Variants in MAP4K2 observed in about 807,000 individuals in gnomAD.
MAP4K2 encodes mitogen-activated protein kinase kinase kinase kinase 2.
A neutral mutation model predicts 125.3 loss-of-function variants in MAP4K2; 85 were observed. That is an observed-to-expected ratio of 0.68 (90% CI 0.57 to 0.81). The LOEUF is 0.81. MAP4K2 is among the 40% of genes least tolerant of loss of function. The pLI is 0.00. For missense variants in MAP4K2, 923 were observed against 1,056.4 expected (o/e 0.87, Z 1.75); for synonymous variants, 479 against 445.1 (o/e 1.08, Z -0.96).
At position 64,797,789 on chromosome 11, in the gene MAP4K2, T is replaced by C. The variant is rs190636989; in HGVS notation, c.1098-125A>G. 971 of 919,694 alleles carry C rather than the reference T, an allele frequency of 1.1e-3. 6 individuals are homozygous for C. In the African/African-American group the frequency reaches 0.015, roughly 14 times the overall value. The allele number at this position is 919,694 out of a possible 1,614,324, so 57.0% of individuals were successfully genotyped here. A position where few individuals can be genotyped will look rare whatever the true frequency, so the allele number is the denominator to read the frequency against. ...GGCGCAATCGCGGCTCACTGCAAGC[T>C]CCGCCCCCCAAGTTCACGCCATTCT... On this transcript the variant is annotated intron_variant, in intron 15 of 31. Coordinates refer to ENST00000294066, the MANE Select transcript of MAP4K2 (RefSeq NM_004579.5).
chr11:64,792,349 C>CCCCCCCCCAAAA lies in MAP4K2; in HGVS notation c.1810+14_1810+15insTTTTGGGGGGGG. On this transcript the variant is annotated intron_variant, in intron 25 of 31. Transcript: ENST00000294066. ...CCACCAGGCCCCGCCCCACCCCGCC[C>CCCCCCCCCAAAA]AGCCCATTTCTTACCCACACGACAC... The CCCCCCCCCAAAA allele has an allele frequency of 6.5e-7, 1 of 1,545,320 alleles. No individual in the cohort carries two copies. The highest frequency in any genetic ancestry group is 8.8e-7 in the Non-Finnish European group (1 of 1,138,636).
At position 64,790,174 on chromosome 11, in the gene MAP4K2, T is replaced by G; in HGVS notation, c.2248+14A>C. Reference sequence around the variant, plus strand: ...GCCAGGGAAAGGCCTGCACCCCACCTCTGGCTCACTCACCCACAGTCTCGA... The same window carrying G: ...GCCAGGGAAAGGCCTGCACCCCACCGCTGGCTCACTCACCCACAGTCTCGA... On this transcript the variant is annotated intron_variant, in intron 29 of 31. Coordinates refer to ENST00000294066, the MANE Select transcript of MAP4K2 (RefSeq NM_004579.5). 6.2e-7 allele frequency: 1 copy of G among 1,613,924 alleles called. No homozygotes were observed. Among genetic ancestry groups the G allele is most frequent in the Non-Finnish European group, 8.5e-7 (1 of 1,179,870 alleles).
At chr11:64,801,066 C>A (rs1454462190) in intron 8 of MAP4K2, 35 bp from the exon 9 acceptor site, 11 of 1,613,690 alleles carry the variant, frequency 6.8e-6, no homozygotes, top group Non-Finnish European at 9.3e-6. Context: ...TGGCCGGGTG[C>A]CCTGCTCTGT....
rs966597402 is a variant in MAP4K2 at position 64,801,012 on chromosome 11, C to A, written c.550G>T (p.Ala184Ser). The change falls in exon 9 of 32, where the codon GCT becomes TCT. Residue 184 changes from alanine to serine, a missense_variant. Ala to Ser is a moderately conservative substitution (Grantham distance 99). Transcript: ENST00000294066. ...TPYWMAPEVA[A>S]VERKGGYNEL... is the part of the protein sequence containing the mutation. ...TTGTAGCCACCTTTGCGCTCCACAG[C>A]AGCCACCTCGGGAGCCATCCTAGAG... is the stretch of plus-strand genomic sequence containing the variant. 4.4e-5 allele frequency: 71 copies of A among 1,613,840 alleles called. No individual in the cohort carries two copies. Among genetic ancestry groups the A allele is most frequent in the Non-Finnish European group, 5.7e-5 (67 of 1,180,020 alleles).
At chr11:64,791,642 A>G (rs1407951080) in intron 27 of MAP4K2, among the ~76,000 whole-genome samples, 1 of 152,178 alleles carries the variant, frequency 6.6e-6, no homozygotes, top group East Asian at 1.9e-4. Context: ...AAATGCTGGG[A>G]TTACAGGCGT....
chr11:64,800,113 A>G lies in MAP4K2; in HGVS notation c.911T>C (p.Leu304Pro). ...LGTPSPEDCE[L>P]ETYDMFPDTI... ...TTTCCAGCCCCCCTCACCTACCTCC[A>G]GCTCACAGTCCTCAGGGGAGGGGGT... is the stretch of plus-strand genomic sequence containing the variant. The change falls in exon 12 of 32, where the codon CTG (leucine) becomes CCG (proline). Residue 304 changes from leucine to proline, a missense_variant. Physicochemically the swap from Leu to Pro is moderately conservative, Grantham distance 98. This residue lies in a region of MAP4K2 where 833 missense variants were observed against 911.4 expected (regional missense o/e 0.91). Coordinates refer to ENST00000294066, the MANE Select transcript of MAP4K2 (RefSeq NM_004579.5). 2.5e-6 allele frequency: 4 copies of G among 1,604,064 alleles called. No homozygotes were observed. Among genetic ancestry groups the G allele is most frequent in the East Asian group, 2.2e-5 (1 of 44,544 alleles).
At position 64,789,749 on chromosome 11, in the gene MAP4K2, G is replaced by A. The variant is rs747399938; in HGVS notation, c.2356C>T (p.Arg786Ter). The A allele has an allele frequency of 4.3e-6, 7 of 1,613,992 alleles. No individual in the cohort carries two copies. The highest frequency in any genetic ancestry group is 2.2e-5 in the East Asian group (1 of 44,898). Residue 786 changes from arginine (R) to a stop codon, truncating the protein, a stop_gained, in exon 31 of 32, where the codon CGA (arginine) becomes TGA (stop). Transcript: ENST00000294066. LOFTEE classifies it high-confidence loss of function. ...QEITDETRIFRVLGAHRDIIL... is the reference protein window; with the variant it reads ...QEITDETRIF The stretch of plus-strand genomic sequence containing the variant: ...GCCTACCTGTGGGCCCCAAGCACTC[G>A]GAAGATCCTTGTTTCATCTGTGATC...
chr11:64,801,776 C>T lies in MAP4K2; in HGVS notation c.367-19G>A. The stretch of plus-strand genomic sequence containing the variant: ...GGAGCCCCTGGCGACAAAGAGGAGT[C>T]CCTGAGAGCAGCCACCCAGCACTGT... On this transcript the variant is annotated intron_variant, in intron 5 of 31. Transcript: ENST00000294066. The T allele has an allele frequency of 6.2e-7, 1 of 1,611,938 alleles. No homozygotes were observed. Among genetic ancestry groups the T allele is most frequent in the South Asian group, 1.1e-5 (1 of 91,068 alleles).
chr11:64,787,018 T>A lies in MAP4K2; in HGVS notation c.*2519A>T, dbSNP rs1041940590. ...ATACATTCATATTCTCCAGGATATA[T>A]ATATATTTTTTTCTCTTTTTTTTTT... On this transcript the variant is annotated 3_prime_UTR_variant, in exon 32 of 32. Coordinates refer to ENST00000294066, the MANE Select transcript of MAP4K2 (RefSeq NM_004579.5). The A allele has an allele frequency of 1.4e-5, 2 of 141,960 alleles. No individual in the cohort carries two copies. The highest frequency in any genetic ancestry group is 1.6e-4 in the Admixed American group (2 of 12,660). The allele number at this position is 141,960 out of a possible 1,614,324, so 8.8% of individuals were successfully genotyped here.
chr11:64,792,529 G>A (rs1304015751), intron 24 of MAP4K2, 107 bp from the exon 25 acceptor site: 2 of 892,282 alleles, frequency 2.2e-6, no homozygotes, highest in African/African-American at 1.7e-5. Flanking sequence ...TACAAGTAAG[G>A]GACTGAGACT....
In MAP4K2 at chr11:64,789,732, G is replaced by A; in HGVS notation, c.2373C>T (p.His791=). The A allele has an allele frequency of 2.5e-6, 4 of 1,614,102 alleles. No homozygotes were observed. Among genetic ancestry groups the A allele is most frequent in the Non-Finnish European group, 2.5e-6 (3 of 1,179,984 alleles). The stretch of plus-strand genomic sequence containing the variant: ...GAGGCTAGGGTACCACCGCCTACCT[G>A]TGGGCCCCAAGCACTCGGAAGATCC... ...ETRIFRVLGA[H]RDIILESIPT... Residue 791 remains histidine (H), a splice_region_variant and synonymous_variant, in exon 31 of 32, where the codon CAC becomes CAT. Transcript: ENST00000294066.
Position 64,800,825 on chromosome 11 carries a change from C to T in MAP4K2, c.664G>A (p.Ala222Thr), listed in dbSNP as rs765426591. The change falls in exon 10 of 32, where the codon GCC becomes ACC. Residue 222 changes from alanine to threonine, a missense_variant and splice_region_variant. This residue lies in a region of MAP4K2 where 833 missense variants were observed against 911.4 expected (regional missense o/e 0.91). Transcript: ENST00000294066. ...CTGCTCTTCGACATGAGCATCAGGG[C>T]CCTGTGGAGGGCGCGAGGTCAGGGG... ...PPLFHLHPMR[A>T]LMLMSKSSFQ... The T allele has an allele frequency of 1.2e-6, 2 of 1,609,396 alleles. No homozygotes were observed. Among genetic ancestry groups the T allele is most frequent in the South Asian group, 1.1e-5 (1 of 90,594 alleles).
chr11:64,798,198 C>T (rs561723038), intron 15 of MAP4K2, among the ~76,000 whole-genome samples: 8 of 151,838 alleles, frequency 5.3e-5, no homozygotes, highest in Non-Finnish European at 1.2e-4. Context: ...TGGAGTCTCG[C>T]TCTGTTGCCC....
intron 24 of MAP4K2, among the ~76,000 whole-genome samples, chr11:64,794,818 G>A (rs1040533129): frequency 6.6e-6 from 1 of 152,090 alleles, no homozygotes. Context: ...CCCGGTCTCT[G>A]AGGCCTCTCC....
In MAP4K2 at chr11:64,797,171, G is replaced by A. The variant is rs1354992185; in HGVS notation, c.1298C>T (p.Ser433Leu). ...SPPGTLPPPPSGPNSSPLLPT... is the reference protein window; with the variant it reads ...SPPGTLPPPPLGPNSSPLLPT... ...CAGCAGTGGGGAGCTGTTGGGGCCT[G>A]AAGGAGGTGGGGGCAGGGTTCCTGC... The change falls in exon 19 of 32, where the codon TCA becomes TTA. Residue 433 changes from serine to leucine, a missense_variant. Transcript: ENST00000294066. 4 of 1,613,810 alleles carry A rather than the reference G, an allele frequency of 2.5e-6. No homozygotes were observed. The highest frequency in any genetic ancestry group is 1.3e-5 in the African/African-American group (1 of 74,930).
At position 64,785,198 on chromosome 11, in the gene MAP4K2, G is replaced by A. The variant is rs1311830727; in HGVS notation, c.*4339C>T. 8 of 152,258 alleles carry A rather than the reference G, an allele frequency of 5.3e-5. No individual in the cohort carries two copies. Among genetic ancestry groups the A allele is most frequent in the Admixed American group, 5.2e-4 (8 of 15,288 alleles). The allele number at this position is 152,258 out of a possible 1,614,324, so 9.4% of individuals were successfully genotyped here. ...ACCTGTAGTGACAGAAAGCAGCACA[G>A]TTGTTACTTGGGGATGGGAGGCAAG... On this transcript the variant is annotated 3_prime_UTR_variant, in exon 32 of 32. Transcript: ENST00000294066.
intron 7 of MAP4K2, 31 bp from the exon 8 acceptor site, chr11:64,801,214 C>T: frequency 6.2e-7 from 1 of 1,604,448 alleles, no homozygotes; most frequent in Non-Finnish European, 8.5e-7. Context: ...TCTCACCAGC[C>T]CTCTGGCTGC....
rs141378598 is a variant in MAP4K2, at chr11:64,796,312, G to A, written c.1712C>T (p.Ser571Phe). Reference sequence around the variant, plus strand: ...CTGGGTGAGGCGGTTGGTGGGGATGGAGAGGGGAACCTGTTGCTGTAGCCT... The same window carrying A: ...CTGGGTGAGGCGGTTGGTGGGGATGAAGAGGGGAACCTGTTGCTGTAGCCT... ...QRRLQQQVPL[S>F]IPTNRLTQRI... Residue 571 changes from serine to phenylalanine, a missense_variant, in exon 24 of 32, where the codon TCC becomes TTC. Coordinates refer to ENST00000294066, the MANE Select transcript of MAP4K2 (RefSeq NM_004579.5). 2.7e-5 allele frequency: 42 copies of A among 1,543,770 alleles called. No homozygotes were observed. Among genetic ancestry groups the A allele is most frequent in the Admixed American group, 3.9e-5 (2 of 51,094 alleles).
chr11:64,801,510 C>T, intron 7 of MAP4K2, 69 bp downstream of exon 7: 1 of 1,574,550 alleles, frequency 6.4e-7, no homozygotes, highest in Non-Finnish European at 8.7e-7. Flanking sequence ...GACACCCAAC[C>T]CTTGAGTCCA....
Sources: allele counts gnomAD v4.1 joint callset (sites outside exome capture counted in the v4.1 genomes callset), GRCh38; gene constraint gnomAD v4.1.1; regional missense constraint gnomAD v4.1.1; transcripts MANE v1.5; gene names NCBI Gene and HGNC (gene_info 2026-07-23, HGNC 2026-07-21).